TTLL11: variants seen among roughly 807,000 people sequenced by gnomAD.
TTLL11 encodes the protein tubulin tyrosine ligase like 11, also known as tubulin polyglutamylase TTLL11.
TTLL11 carries 42 observed loss-of-function variants against 51.7 expected under a neutral mutation model. The ratio of observed to expected loss-of-function variants is 0.81; its 90% CI spans 0.64 to 1.05. The LOEUF (loss-of-function observed/expected upper bound fraction) is 1.05. Ranked by LOEUF, TTLL11 falls within the 50% of genes least tolerant of loss-of-function variation. The pLI, the probability that TTLL11 is intolerant of heterozygous loss-of-function variation, is 0.00. For missense variants in TTLL11, 799 were observed against 940.4 expected (o/e 0.85, Z 1.97); for synonymous variants, 381 against 383.5 (o/e 0.99, Z 0.08).
chr9:121,907,220 T>C (rs1281215804), intron 6 of TTLL11, among the ~76,000 whole-genome samples: 1 of 151,904 alleles, frequency 6.6e-6, no homozygotes, highest in Non-Finnish European at 1.5e-5. Context: ...GAGGCTGGGG[T>C]GGGAGGATCA....
chr9:122,002,895 G>A (rs376134050), intron 3 of TTLL11, among the ~76,000 whole-genome samples: 2 of 143,600 alleles, frequency 1.4e-5, no homozygotes, highest in Non-Finnish European at 3.0e-5. Context: ...GCAGTGAGCC[G>A]AGAGCACACC....
chr9:121,949,402 C>T (rs923497915), intron 6 of TTLL11, among the ~76,000 whole-genome samples: 9 of 152,172 alleles, frequency 5.9e-5, no homozygotes, highest in Admixed American at 2.6e-4. Context: ...TTGTCTTAGA[C>T]GGAATCCAAC....
At position 122,079,116 on chromosome 9, in the gene TTLL11, A is replaced by G. The variant is rs190109632; in HGVS notation, c.462+13571T>C. On this transcript the variant is annotated intron_variant, in intron 1 of 8. Coordinates refer to ENST00000321582, the MANE Select transcript of TTLL11 (RefSeq NM_001139442.2). ...TTCTCTTGGGTATATATCAGGAGAGAACTGCTAGGATGTTTAACATTTGAG... is the reference window on the plus strand; with the variant it reads ...TTCTCTTGGGTATATATCAGGAGAGGACTGCTAGGATGTTTAACATTTGAG... 6.6e-5 allele frequency among the ~76,000 whole-genome samples: 10 copies of G among 152,056 alleles called. No homozygotes were observed. In the East Asian group the frequency reaches 1.9e-3, roughly 29 times the overall value.
chr9:121,949,830 G>A (rs1841794004), intron 6 of TTLL11, among the ~76,000 whole-genome samples: 1 of 152,016 alleles, frequency 6.6e-6, no homozygotes, highest in Non-Finnish European at 1.5e-5. Flanking sequence ...GAGCCATACT[G>A]AATAAATGTT....
intron 4 of TTLL11, among the ~76,000 whole-genome samples, chr9:121,983,931 T>G (rs141456484): frequency 6.6e-6 from 1 of 152,084 alleles, no homozygotes; most frequent in African/African-American, 2.4e-5. Flanking sequence ...AGCTGAAATA[T>G]CAGAAGTTGT....
At chr9:121,923,316 C>T (rs925136453) in intron 6 of TTLL11, among the ~76,000 whole-genome samples, 4 of 152,090 alleles carry the variant, frequency 2.6e-5, no homozygotes, top group Non-Finnish European at 4.4e-5. Flanking sequence ...ATCCAAAAGC[C>T]GGTAGAACTC....
At chr9:121,943,333 C>T (rs56081524) in intron 6 of TTLL11, among the ~76,000 whole-genome samples, 1 of 152,078 alleles carries the variant, frequency 6.6e-6, no homozygotes, top group African/African-American at 2.4e-5. Flanking sequence ...TCTTCTTAGG[C>T]GTACGGACCG....
At chr9:121,955,775 T>C (rs1338561105) in intron 6 of TTLL11, among the ~76,000 whole-genome samples, 1 of 152,204 alleles carries the variant, frequency 6.6e-6, no homozygotes, top group African/African-American at 2.4e-5. Context: ...AAAGATGACC[T>C]GTTCTTGATA....
intron 1 of TTLL11, among the ~76,000 whole-genome samples, chr9:122,063,222 A>G (rs1845485334): frequency 6.6e-6 from 1 of 152,218 alleles, no homozygotes; most frequent in African/African-American, 2.4e-5. Flanking sequence ...ATAGGCATAA[A>G]TACATATTAA....
In TTLL11 at chr9:122,006,369, AG is replaced by A. The variant is rs536647204; in HGVS notation, c.694-16600del. ...AAAAAAAAAAGAATTATGTAAAGAG[AG>A]AAATTACATTTTGCTTTTTTTTTCT... On this transcript the variant is annotated intron_variant, in intron 3 of 8. Coordinates refer to ENST00000321582, the MANE Select transcript of TTLL11 (RefSeq NM_001139442.2). 7.4e-3 allele frequency among the ~76,000 whole-genome samples: 1,126 copies of A among 151,594 alleles called. 14 individuals are homozygous for A. Among genetic ancestry groups the A allele is most frequent in the African/African-American group, 0.027 (1,096 of 41,290 alleles).
intron 7 of TTLL11, among the ~76,000 whole-genome samples, chr9:121,863,339 T>G (rs544054092): frequency 3.0e-4 from 46 of 152,334 alleles, no homozygotes; most frequent in African/African-American, 1.1e-3. Flanking sequence ...ACAGCCACAG[T>G]GTCCTTTAAT....
intron 4 of TTLL11, among the ~76,000 whole-genome samples, chr9:121,985,513 C>CTTTTTTTTTTT (rs71371908): frequency 1.5e-4 from 15 of 97,268 alleles, no homozygotes; most frequent in Admixed American, 2.2e-4. Context: ...ATTTTCTTTT[C>CTTTTTTTTTTT]TTTTTTTTTT....
intron 8 of TTLL11, among the ~76,000 whole-genome samples, chr9:121,859,482 G>A (rs937748618): frequency 1.3e-5 from 2 of 152,106 alleles, no homozygotes; most frequent in Admixed American, 6.5e-5. Context: ...TCCAGCCTGG[G>A]CAACAGAGTG....
rs1248193166 is a variant in TTLL11 at position 121,890,675 on chromosome 9, A to G, written c.1482-19927T>C. Among the ~76,000 whole-genome samples, 6 of 152,148 alleles carry G rather than the reference A, an allele frequency of 3.9e-5. No homozygotes were observed. The East Asian group carries it at 7.7e-4, about 20-fold the overall frequency. On this transcript the variant is annotated intron_variant, in intron 6 of 8. Coordinates refer to ENST00000321582, the MANE Select transcript of TTLL11 (RefSeq NM_001139442.2). The surrounding 1 kb of genome is among the most constrained non-coding windows in gnomAD (Gnocchi z 4.3). ...TCCTCTCATCCTCCACCTCCCATCA[A>G]TAATGGCAGTTCACAAAGGCAGGTA...
At chr9:122,062,632 C>T (rs1168191431) in intron 1 of TTLL11, among the ~76,000 whole-genome samples, 1 of 151,722 alleles carries the variant, frequency 6.6e-6, no homozygotes, top group Non-Finnish European at 1.5e-5. Context: ...CCATGCCTGG[C>T]TAATTTTTGT....
At chr9:121,988,746 T>G (rs897466085) in intron 4 of TTLL11, among the ~76,000 whole-genome samples, 1 of 152,192 alleles carries the variant, frequency 6.6e-6, no homozygotes, top group African/African-American at 2.4e-5. Flanking sequence ...CTTTTTAAAT[T>G]ATATGTCTCT....
intron 2 of TTLL11, 97 bp from the exon 3 acceptor site, chr9:122,031,953 T>G: frequency 6.8e-7 from 1 of 1,472,626 alleles, no homozygotes; most frequent in Non-Finnish European, 9.1e-7. Context: ...ACCCGACATA[T>G]TCTCTTTTTC....
chr9:122,055,205 A>ATAGATAGAT (rs1203433643), intron 1 of TTLL11, among the ~76,000 whole-genome samples: 1 of 147,364 alleles, frequency 6.8e-6, no homozygotes, highest in Admixed American at 6.7e-5. Flanking sequence ...GACTAATAGG[A>ATAGATAGAT]TAGATAGATA....
intron 8 of TTLL11, among the ~76,000 whole-genome samples, chr9:121,842,278 C>G (rs1837380548): frequency 6.6e-6 from 1 of 151,630 alleles, no homozygotes; most frequent in Non-Finnish European, 1.5e-5. Flanking sequence ...GACACGTGGT[C>G]TCTCTCTGTC....
Sources: gnomAD v4.1 joint callset for allele counts (sites outside exome capture counted in the v4.1 genomes callset) on GRCh38, gnomAD v4.1.1 for gene constraint, Gnocchi (gnomAD v3.1) non-coding constraint, MANE v1.5 for transcripts, NCBI Gene and HGNC (gene_info 2026-07-23, HGNC 2026-07-21) for gene names.